SERAC1: variants seen among roughly 807,000 people sequenced by gnomAD.
SERAC1 encodes the protein protein SERAC1.
In SERAC1, 36 loss-of-function variants were observed where a neutral mutation model predicts 85.7. That is an observed-to-expected ratio of 0.42 (90% CI 0.32 to 0.55). The LOEUF is 0.55. Ranked by LOEUF, SERAC1 falls within the 20% of genes least tolerant of loss-of-function variation. The probability of loss-of-function intolerance (pLI) is 0.11; values close to 1 mark genes in which losing one functional copy is unlikely to be tolerated. For synonymous variants in SERAC1, 242 were observed against 265.3 expected, an observed-to-expected ratio of 0.91 and a Z score of 0.85; for missense variants, 629 against 796.2, an observed-to-expected ratio of 0.79 and a Z score of 2.53.
rs551048731 is a variant in SERAC1 at position 158,121,154 on chromosome 6, TA to T, written c.1016-580del. 2.7e-3 allele frequency among the ~76,000 whole-genome samples: 404 copies of T among 152,246 alleles called. 1 individual carries two copies. The highest frequency in any genetic ancestry group is 9.4e-3 in the African/African-American group (390 of 41,544). The stretch of plus-strand genomic sequence containing the variant: ...TTCTTTTTTTTAATGTTTTTGTTTT[TA>T]AAACTTTATATACATAAATATAAAA... On this transcript the variant is annotated intron_variant, in intron 10 of 16. Coordinates refer to ENST00000647468, the MANE Select transcript of SERAC1 (RefSeq NM_032861.4).
chr6:158,146,557 C>T (rs373574394), intron 6 of SERAC1: 4 of 362,800 alleles, frequency 1.1e-5, no homozygotes, highest in Non-Finnish European at 2.1e-5. Flanking sequence ...TACAGACGCC[C>T]GCCACCATGC....
At chr6:158,155,144 AG>A (rs1265563200) in intron 3 of SERAC1, among the ~76,000 whole-genome samples, 170 bp downstream of exon 3, 1 of 152,242 alleles carries the variant, frequency 6.6e-6, no homozygotes, top group East Asian at 1.9e-4. Flanking sequence ...TCAGAAAGTA[AG>A]GAAACCACAT....
At chr6:158,136,756 T>A (rs901708347) in intron 8 of SERAC1, among the ~76,000 whole-genome samples, 2 of 152,174 alleles carry the variant, frequency 1.3e-5, no homozygotes, top group African/African-American at 4.8e-5. Flanking sequence ...GACAGATCAC[T>A]ACAAACCAGA....
Position 158,144,323 on chromosome 6 carries a change from T to A in SERAC1, c.585A>T (p.Pro195=). 1 of 1,612,194 alleles carries A rather than the reference T, an allele frequency of 6.2e-7. No individual in the cohort carries two copies. Among genetic ancestry groups the A allele is most frequent in the Non-Finnish European group, 8.5e-7 (1 of 1,178,796 alleles). The part of the protein sequence containing the change: ...EESDLRFFLL[P]PPLPSLKEDS... ...CTTCTTTTAAAGATGGCAAAGGAGG[T>A]GGTAGGAGAAAAAAGCGAAGATCAC... is the stretch of plus-strand genomic sequence containing the variant. The change falls in exon 7 of 17, where the codon CCA becomes CCT. Residue 195 remains proline, a synonymous_variant. Transcript: ENST00000647468.
At chr6:158,128,542 G>A (rs1784599284) in intron 9 of SERAC1, among the ~76,000 whole-genome samples, 1 of 152,206 alleles carries the variant, frequency 6.6e-6, no homozygotes, top group African/African-American at 2.4e-5. Flanking sequence ...TTGGTTGGAT[G>A]TAACCTGACA....
rs144392079 is a variant in SERAC1 at position 158,119,808 on chromosome 6, C to G, written c.1166+617G>C. 6.6e-6 allele frequency among the ~76,000 whole-genome samples: 1 copy of G among 152,190 alleles called. No homozygotes were observed. Among genetic ancestry groups the G allele is most frequent in the South Asian group, 2.1e-4 (1 of 4,824 alleles). On this transcript the variant is annotated intron_variant, in intron 11 of 16. Transcript: ENST00000647468. The surrounding 1 kb of genome is among the most constrained non-coding windows in gnomAD (Gnocchi z 4.5). Reference sequence around the variant, plus strand: ...AAAGTTTTTGCTATTTTCTGAGGTACTTTTTGTAAAGTGCCCTAAGAAAAC... The same window carrying G: ...AAAGTTTTTGCTATTTTCTGAGGTAGTTTTTGTAAAGTGCCCTAAGAAAAC...
intron 14 of SERAC1, 103 bp from the exon 15 acceptor site, chr6:158,115,074 C>CTTTCT: frequency 8.0e-7 from 1 of 1,246,002 alleles, no homozygotes; most frequent in South Asian, 1.5e-5. Flanking sequence ...AAAAGAGATG[C>CTTTCT]TTTCTTTTTA....
chr6:158,111,299 A>T lies in SERAC1; in HGVS notation c.*67T>A, dbSNP rs1784137986. The T allele has an allele frequency of 1.4e-6, 2 of 1,428,192 alleles. No homozygotes were observed. The highest frequency in any genetic ancestry group is 1.9e-6 in the Non-Finnish European group (2 of 1,060,958). 88.5% of individuals were successfully genotyped at this position (1,428,192 alleles called of 1,614,324 possible). ...TGTTTGCATGATTGCATAGAGCTTA[A>T]AAGAAGAAACAGAACACCAAGTTTC... On this transcript the variant is annotated 3_prime_UTR_variant, in exon 17 of 17. Transcript: ENST00000647468.
rs1021140293 is a variant in SERAC1, at chr6:158,143,289, T to C, written c.610-105A>G. The C allele has an allele frequency of 4.6e-6, 6 of 1,295,114 alleles. No individual in the cohort carries two copies. In the East Asian group the frequency reaches 1.2e-4, roughly 27 times the overall value. 80.2% of individuals were successfully genotyped at this position (1,295,114 alleles called of 1,614,324 possible). A position where few individuals can be genotyped will look rare whatever the true frequency, so the allele number is the denominator to read the frequency against. On this transcript the variant is annotated intron_variant, in intron 7 of 16. Coordinates refer to ENST00000647468, the MANE Select transcript of SERAC1 (RefSeq NM_032861.4). ...ATATTTGCCATATATATCAAAGCCA[T>C]ATATTATGTGTGCATGTCTCTCTCT...
At chr6:158,135,489 C>T (rs935932513) in intron 8 of SERAC1, among the ~76,000 whole-genome samples, 24 of 151,856 alleles carry the variant, frequency 1.6e-4, no homozygotes, top group African/African-American at 4.8e-4. Context: ...GCCGAGATCG[C>T]GCCACTGCAC....
In SERAC1 at chr6:158,117,828, A is replaced by G. The variant is rs780938792; in HGVS notation, c.1309-7T>C. On this transcript the variant is annotated splice_polypyrimidine_tract_variant and splice_region_variant and intron_variant, in intron 12 of 16. Transcript: ENST00000647468. This position sits in a 1 kb window ranked among gnomAD's most constrained non-coding sequence, Gnocchi z 4.3. ...AGTCTTTTGCTAACCATGTCTAAGT[A>G]AAATAAAACATATGTGAGAACAAGT... 6.2e-7 allele frequency: 1 copy of G among 1,604,774 alleles called. No homozygotes were observed. The highest frequency in any genetic ancestry group is 1.1e-5 in the South Asian group (1 of 90,620).
chr6:158,125,264 A>T (rs1018337320), intron 10 of SERAC1, among the ~76,000 whole-genome samples: 5 of 152,200 alleles, frequency 3.3e-5, no homozygotes, highest in Non-Finnish European at 5.9e-5. Context: ...AAATATCACT[A>T]CATATTTACA....
At chr6:158,163,968 C>A (rs1216310742) in intron 1 of SERAC1, among the ~76,000 whole-genome samples, 2 of 151,772 alleles carry the variant, frequency 1.3e-5, no homozygotes, top group Non-Finnish European at 2.9e-5. Flanking sequence ...AACTCTTGAC[C>A]TCGTGATCCA....
intron 5 of SERAC1, 53 bp from the exon 6 acceptor site, chr6:158,146,966 A>C: frequency 6.4e-7 from 1 of 1,573,274 alleles, no homozygotes. Flanking sequence ...TAATACTTTT[A>C]TCTTCACTTT....
chr6:158,160,411 G>A (rs1161238035), intron 1 of SERAC1, among the ~76,000 whole-genome samples: 2 of 152,158 alleles, frequency 1.3e-5, no homozygotes, highest in East Asian at 1.9e-4. Context: ...GAAAAGATAT[G>A]CCATCAGGTG....
intron 3 of SERAC1, chr6:158,152,628 C>T (rs1217023915): frequency 6.6e-6 from 1 of 152,332 alleles, no homozygotes; most frequent in Non-Finnish European, 1.5e-5. Context: ...AACTCCAGGT[C>T]CTGTAAGCTC....
rs577727562 is a variant in SERAC1, at chr6:158,146,522, C to A, written c.487+260G>T. Reference sequence around the variant, plus strand: ...CTCCTGGGTTCACGCCATTCTCCTGCTTCAGCCTCTCGAGTAGCTGGGACT... The same window carrying A: ...CTCCTGGGTTCACGCCATTCTCCTGATTCAGCCTCTCGAGTAGCTGGGACT... On this transcript the variant is annotated intron_variant, in intron 6 of 16. Transcript: ENST00000647468. 7.0e-4 allele frequency: 195 copies of A among 279,906 alleles called. 2 individuals are homozygous for A. Among genetic ancestry groups the A allele is most frequent in the East Asian group, 2.7e-3 (25 of 9,266 alleles). 17.3% of individuals were successfully genotyped at this position (279,906 alleles called of 1,614,324 possible).
At position 158,144,337 on chromosome 6, in the gene SERAC1, A is replaced by C. The variant is rs759282784; in HGVS notation, c.571T>G (p.Phe191Val). ...GGCAAAGGAGGTGGTAGGAGAAAAA[A>C]GCGAAGATCACTCTCTTCGCTTCGT... The part of the protein sequence containing the change: ...LARSEESDLR[F>V]FLLPPPLPSL... The change falls in exon 7 of 17, where the codon TTT (phenylalanine) becomes GTT (valine). Residue 191 changes from phenylalanine (F) to valine (V), a missense_variant. By Grantham distance (50) the Phe-to-Val change is conservative. Coordinates refer to ENST00000647468, the MANE Select transcript of SERAC1 (RefSeq NM_032861.4). 6.2e-7 allele frequency: 1 copy of C among 1,613,240 alleles called. No homozygotes were observed. Among genetic ancestry groups the C allele is most frequent in the South Asian group, 1.1e-5 (1 of 90,890 alleles).
chr6:158,163,729 T>TTTGTTGTTGTTGTTGTTG (rs111396490), intron 1 of SERAC1, among the ~76,000 whole-genome samples: 3 of 151,548 alleles, frequency 2.0e-5, no homozygotes, highest in African/African-American at 7.3e-5. Flanking sequence ...ATGTAGGTTT[T>TTTGTTGTTGTTGTTGTTG]TTGTTGTTTT....
Sources: allele counts gnomAD v4.1 joint callset (sites outside exome capture counted in the v4.1 genomes callset), GRCh38; gene constraint gnomAD v4.1.1; non-coding constraint Gnocchi (gnomAD v3.1); transcripts MANE v1.5; gene names NCBI Gene and HGNC (gene_info 2026-07-23, HGNC 2026-07-21).